Variants in ERO1B observed in about 807,000 individuals in gnomAD.
ERO1B encodes the protein ERO1-like protein beta.
A neutral mutation model predicts 75.3 loss-of-function variants in ERO1B; 49 were observed. That is an observed-to-expected ratio of 0.65 (90% CI 0.52 to 0.83). ERO1B has a LOEUF of 0.83. Among genes scored for constraint, ERO1B ranks in the 40% least tolerant of loss-of-function variants. The probability of loss-of-function intolerance (pLI) is 0.00; values close to 1 mark genes in which losing one functional copy is unlikely to be tolerated. For synonymous variants in ERO1B, 191 were observed against 192.9 expected (o/e 0.99, Z 0.08); for missense variants, 512 against 560.1 (o/e 0.91, Z 0.87).
chr1:236,281,580 G>GCCCGGCCCTA (rs1665830635), intron 1 of ERO1B, 102 bp downstream of exon 1: 9 of 727,718 alleles, frequency 1.2e-5, no homozygotes, highest in Non-Finnish European at 1.6e-5. Flanking sequence ...CTCTTTTCTG[G>GCCCGGCCCTA]CCCGGCCCTG....
chr1:236,262,891 C>T (rs1157905646), intron 2 of ERO1B, among the ~76,000 whole-genome samples: 1 of 152,106 alleles, frequency 6.6e-6, no homozygotes, highest in Non-Finnish European at 1.5e-5. Context: ...AAAAGAACCA[C>T]CTTACCCAAG....
rs1452402273 is a variant in ERO1B at position 236,215,280 on chromosome 1, G to A, written c.*3236C>T. ...TTTGTGACTATGGACAGGTTACTTA[G>A]CCTTTTTTATCCTCAGTCTTCTTAC... On this transcript the variant is annotated 3_prime_UTR_variant, in exon 16 of 16. Coordinates refer to ENST00000354619, the MANE Select transcript of ERO1B (RefSeq NM_019891.4). Among the ~76,000 whole-genome samples, 1 of 152,108 alleles carries A rather than the reference G, an allele frequency of 6.6e-6. No individual in the cohort carries two copies. The highest frequency in any genetic ancestry group is 1.9e-4 in the East Asian group (1 of 5,188).
At chr1:236,260,362 T>C (rs1021614574) in intron 2 of ERO1B, among the ~76,000 whole-genome samples, 5 of 152,104 alleles carry the variant, frequency 3.3e-5, no homozygotes, top group Non-Finnish European at 7.4e-5. Context: ...AAGTATCTTA[T>C]CAAAGAAAGA....
chr1:236,235,922 T>G, intron 7 of ERO1B, 87 bp from the exon 8 acceptor site: 1 of 1,135,148 alleles, frequency 8.8e-7, no homozygotes, highest in Non-Finnish European at 1.3e-6. Context: ...AATACTCCCC[T>G]CCCCACCCTC....
intron 5 of ERO1B, among the ~76,000 whole-genome samples, chr1:236,249,415 T>C (rs895165493): frequency 2.0e-5 from 3 of 152,228 alleles, no homozygotes. Context: ...CATTTTATAC[T>C]ACACAATTTG....
chr1:236,229,242 CG>C (rs1399462346), intron 10 of ERO1B, among the ~76,000 whole-genome samples: 1 of 151,868 alleles, frequency 6.6e-6, no homozygotes, highest in Non-Finnish European at 1.5e-5. Context: ...CTGGCCAACA[CG>C]GCGAAACCTC....
intron 5 of ERO1B, among the ~76,000 whole-genome samples, chr1:236,245,398 GTA>G (rs1269450854): frequency 3.3e-5 from 1 of 29,900 alleles, no homozygotes; most frequent in African/African-American, 1.2e-4. Context: ...ATATATATAC[GTA>G]TATATATACA....
rs1664050160 is a variant in ERO1B, at chr1:236,218,380, CAA to C, written c.*134_*135del. On this transcript the variant is annotated 3_prime_UTR_variant, in exon 16 of 16. Transcript: ENST00000354619. ...TAATCTATTAAGAATCATAAATATT[CAA>C]GTGAGCATTTAAATTTTCTATTTAA... 1 of 686,500 alleles carries C rather than the reference CAA, an allele frequency of 1.5e-6. No homozygotes were observed. Among genetic ancestry groups the C allele is most frequent in the African/African-American group, 1.9e-5 (1 of 52,652 alleles). The allele number at this position is 686,500 out of a possible 1,614,324, so 42.5% of individuals were successfully genotyped here.
intron 2 of ERO1B, among the ~76,000 whole-genome samples, chr1:236,265,483 G>A (rs1224249629): frequency 2.0e-5 from 3 of 152,038 alleles, no homozygotes; most frequent in Admixed American, 6.6e-5. Context: ...AAGCTTGCTG[G>A]TGTTGCCTTT....
chr1:236,241,487 G>C (rs1257199982), intron 6 of ERO1B, among the ~76,000 whole-genome samples: 2 of 152,102 alleles, frequency 1.3e-5, no homozygotes, highest in African/African-American at 4.8e-5. Context: ...AGGTTGCAGT[G>C]AGCCAAGATT....
intron 5 of ERO1B, among the ~76,000 whole-genome samples, chr1:236,243,699 A>G (rs565275957): frequency 3.3e-5 from 5 of 152,238 alleles, no homozygotes; most frequent in African/African-American, 1.2e-4. Flanking sequence ...TGAGTAATTT[A>G]TATTTCTTAA....
chr1:236,257,915 G>A (rs1625861), intron 2 of ERO1B, among the ~76,000 whole-genome samples: 37,283 of 150,526 alleles, frequency 0.25, 4,799 homozygotes, highest in East Asian at 0.38. Flanking sequence ...AGTGAAGACA[G>A]TCTAAGGGAC....
intron 2 of ERO1B, among the ~76,000 whole-genome samples, chr1:236,266,881 A>C (rs1665454960): frequency 6.6e-6 from 1 of 152,204 alleles, no homozygotes; most frequent in East Asian, 1.9e-4. Flanking sequence ...CATATGGAAT[A>C]ATTTCACTGT....
At chr1:236,280,249 G>A (rs922961335) in intron 1 of ERO1B, among the ~76,000 whole-genome samples, 2 of 152,196 alleles carry the variant, frequency 1.3e-5, no homozygotes, top group East Asian at 1.9e-4. Context: ...TATAAAAAGA[G>A]AAAATGGGAA....
intron 2 of ERO1B, among the ~76,000 whole-genome samples, chr1:236,258,148 G>GAAAAAAAAAAAAAAAAAA (rs1665205894): frequency 2.2e-3 from 3 of 1,386 alleles, no homozygotes; most frequent in African/African-American, 3.5e-3. Flanking sequence ...GAAAAACAAA[G>GAAAAAAAAAAAAAAAAAA]CAAAAAAAAA....
chr1:236,228,042 T>C (rs1185422692), intron 10 of ERO1B, among the ~76,000 whole-genome samples: 1 of 152,182 alleles, frequency 6.6e-6, no homozygotes, highest in Non-Finnish European at 1.5e-5. Context: ...TATTATCAAG[T>C]AACAAAATAT....
At chr1:236,224,536 T>C (rs2102939413) in intron 13 of ERO1B, among the ~76,000 whole-genome samples, 2 of 152,126 alleles carry the variant, frequency 1.3e-5, no homozygotes, top group Admixed American at 1.3e-4. Context: ...TGTTTCTTAA[T>C]GTACTTTAAG....
intron 8 of ERO1B, among the ~76,000 whole-genome samples, 161 bp downstream of exon 8, chr1:236,235,628 C>G (rs1428611023): frequency 1.3e-5 from 2 of 152,100 alleles, no homozygotes; most frequent in East Asian, 1.9e-4. Context: ...AACAACATGC[C>G]TAGAGATCTC....
chr1:236,279,546 G>A (rs1212016128), intron 1 of ERO1B, among the ~76,000 whole-genome samples: 4 of 124,248 alleles, frequency 3.2e-5, no homozygotes, highest in Non-Finnish European at 3.4e-5. Context: ...TACTGCTGGC[G>A]GCCTGGGCGC....
Sources: gnomAD v4.1 joint callset for allele counts (sites outside exome capture counted in the v4.1 genomes callset) on GRCh38, gnomAD v4.1.1 for gene constraint, MANE v1.5 for transcripts, NCBI Gene and HGNC (gene_info 2026-07-23, HGNC 2026-07-21) for gene names.